The following HIPK1 variants were observed in gnomAD, a reference collection of about 807,000 sequenced individuals.
HIPK1 encodes homeodomain-interacting protein kinase 1.
A neutral mutation model predicts 117.1 loss-of-function variants in HIPK1; 28 were observed. The observed-to-expected ratio is 0.24, with a 90% CI of 0.18 to 0.33. HIPK1 has a LOEUF of 0.33. Among genes scored for constraint, HIPK1 ranks in the 10% least tolerant of loss-of-function variants. HIPK1 has a pLI of 1.00. For missense variants in HIPK1, 1,122 were observed against 1,475.1 expected, an observed-to-expected ratio of 0.76 and a Z score of 3.92; for synonymous variants, 605 against 562.5, an observed-to-expected ratio of 1.08 and a Z score of -1.07.
intron 1 of HIPK1, 135 bp downstream of exon 1, chr1:113,929,667 C>T (rs1212263108): frequency 3.3e-6 from 3 of 902,974 alleles, no homozygotes; most frequent in African/African-American, 1.8e-5. Context: ...CCGGCGGTAG[C>T]CCCGGACGGC....
rs759173034 is a variant in HIPK1 at position 113,962,387 on chromosome 1, C to G, written c.2052C>G (p.Pro684=). Residue 684 remains proline (P), a synonymous_variant, in exon 9 of 16, where the codon CCC becomes CCG. Transcript: ENST00000426820. Reference sequence around the variant, plus strand: ...TGGATAATGCTGTACCGATTGTACCCCAGGCACCAGCTGCTCAGCCACTAC... The same window carrying G: ...TGGATAATGCTGTACCGATTGTACCGCAGGCACCAGCTGCTCAGCCACTAC... ...VRMDNAVPIV[P]QAPAAQPLQI... The G allele has an allele frequency of 1.2e-6, 2 of 1,613,930 alleles. No homozygotes were observed. Among genetic ancestry groups the G allele is most frequent in the Non-Finnish European group, 1.7e-6 (2 of 1,179,874 alleles).
In HIPK1 at chr1:113,973,244, C is replaced by T; in HGVS notation, c.3365C>T (p.Ala1122Val). Residue 1122 changes from alanine to valine, a missense_variant, in exon 16 of 16, where the codon GCA (alanine) becomes GTA (valine). By Grantham distance (64) the Ala-to-Val change is moderately conservative. Coordinates refer to ENST00000426820, the MANE Select transcript of HIPK1 (RefSeq NM_198268.3). ...TATGCTGCCCCGACTTCTGCTGCTG[C>T]ACTGGGCTCAACCAGCTCCATTGCT... ...YTYAAPTSAAALGSTSSIAHL... is the reference protein window; with the variant it reads ...YTYAAPTSAAVLGSTSSIAHL... The T allele has an allele frequency of 6.2e-7, 1 of 1,614,170 alleles. No individual in the cohort carries two copies.
Position 113,973,608 on chromosome 1 carries a change from A to C in HIPK1, c.*96A>C. On this transcript the variant is annotated 3_prime_UTR_variant, in exon 16 of 16. Coordinates refer to ENST00000426820, the MANE Select transcript of HIPK1 (RefSeq NM_198268.3). Reference sequence around the variant, plus strand: ...GAGAGATCCTCCTTTACCCTCTTGAAATTTCTTAGCCAGCAACTTGTTCTG... The same window carrying C: ...GAGAGATCCTCCTTTACCCTCTTGACATTTCTTAGCCAGCAACTTGTTCTG... The C allele has an allele frequency of 7.1e-7, 1 of 1,415,946 alleles. No homozygotes were observed. Among genetic ancestry groups the C allele is most frequent in the Non-Finnish European group, 9.4e-7 (1 of 1,065,444 alleles). The allele number at this position is 1,415,946 out of a possible 1,614,324, so 87.7% of individuals were successfully genotyped here. A position where few individuals can be genotyped will look rare whatever the true frequency, so the allele number is the denominator to read the frequency against.
chr1:113,955,360 G>A (rs966639522), intron 4 of HIPK1, among the ~76,000 whole-genome samples: 11 of 152,148 alleles, frequency 7.2e-5, no homozygotes, highest in African/African-American at 2.4e-4. Flanking sequence ...TTACTTGCAT[G>A]TTTATCACTG....
At chr1:113,934,331 T>C (rs766934107) in intron 1 of HIPK1, among the ~76,000 whole-genome samples, 5 of 152,184 alleles carry the variant, frequency 3.3e-5, no homozygotes, top group Non-Finnish European at 7.3e-5. Flanking sequence ...GTTATAATAT[T>C]TGGATCCTTT....
rs1672570275 is a variant in HIPK1 at position 113,968,023 on chromosome 1, T to C, written c.2564+75T>C. ...ATGTTGCCTTGCATTTGGAATATTG[T>C]ATAGACATATAATATAGATATGAAG... On this transcript the variant is annotated intron_variant, in intron 12 of 15. Coordinates refer to ENST00000426820, the MANE Select transcript of HIPK1 (RefSeq NM_198268.3). The C allele has an allele frequency of 2.3e-6, 3 of 1,303,038 alleles. No individual in the cohort carries two copies. In the South Asian group the frequency reaches 3.9e-5, roughly 17 times the overall value. 80.7% of individuals were successfully genotyped at this position (1,303,038 alleles called of 1,614,324 possible). A position where few individuals can be genotyped will look rare whatever the true frequency, so the allele number is the denominator to read the frequency against.
chr1:113,929,698 G>A, intron 1 of HIPK1, 166 bp downstream of exon 1: 1 of 856,350 alleles, frequency 1.2e-6, no homozygotes, highest in South Asian at 2.2e-5. Flanking sequence ...CGAGGCGGGA[G>A]CGCGCGGGGC....
At chr1:113,943,039 A>G (rs1021561759) in intron 2 of HIPK1, among the ~76,000 whole-genome samples, 6 of 152,246 alleles carry the variant, frequency 3.9e-5, no homozygotes, top group African/African-American at 9.6e-5. Flanking sequence ...TAACCCATAC[A>G]AGGACTCAGA....
rs1670639417 is a variant in HIPK1, at chr1:113,941,568, A to T, written c.1076+109A>T. 1 of 835,516 alleles carries T rather than the reference A, an allele frequency of 1.2e-6. No individual in the cohort carries two copies. Among genetic ancestry groups the T allele is most frequent in the Admixed American group, 2.5e-5 (1 of 40,458 alleles). 51.8% of individuals were successfully genotyped at this position (835,516 alleles called of 1,614,324 possible). On this transcript the variant is annotated intron_variant, in intron 2 of 15. Transcript: ENST00000426820. The surrounding 1 kb of genome is among the most constrained non-coding windows in gnomAD (Gnocchi z 4.9). The stretch of plus-strand genomic sequence containing the variant: ...AATGAATTTGTTTATAGATTCTGAG[A>T]TAGAAATAGGATATGTTTTAGCTCA...
At chr1:113,958,824 T>C (rs1022872610) in intron 8 of HIPK1, among the ~76,000 whole-genome samples, 1 of 152,210 alleles carries the variant, frequency 6.6e-6, no homozygotes, top group African/African-American at 2.4e-5. Flanking sequence ...GCTGAGGTGC[T>C]TGTGTGGGGC....
intron 1 of HIPK1, chr1:113,930,014 G>A (rs1383233850): frequency 1.0e-6 from 1 of 985,004 alleles, no homozygotes; most frequent in Non-Finnish European, 1.2e-6. Context: ...GGGCCGGGCC[G>A]GCCGCCGGCT....
intron 6 of HIPK1, 113 bp downstream of exon 6, chr1:113,956,924 G>A (rs1671766507): frequency 9.5e-7 from 1 of 1,056,236 alleles, no homozygotes; most frequent in African/African-American, 1.6e-5. Context: ...ATCTGGCTCA[G>A]CAGTGCTTTT....
In HIPK1 at chr1:113,956,728, A is replaced by C. The variant is rs762104202; in HGVS notation, c.1509A>C (p.Ala503=). ...TAAAGAAAATGCTCACAATTGATGC[A>C]GATAAGAGAATTACCCCTCTAAAAA... The part of the protein sequence containing the change: ...DLLKKMLTID[A]DKRITPLKTL... Residue 503 remains alanine, a synonymous_variant, in exon 6 of 16, where the codon GCA becomes GCC. Coordinates refer to ENST00000426820, the MANE Select transcript of HIPK1 (RefSeq NM_198268.3). 19 of 1,614,038 alleles carry C rather than the reference A, an allele frequency of 1.2e-5. 1 individual carries two copies. In the South Asian group the frequency reaches 2.1e-4, roughly 18 times the overall value.
intron 1 of HIPK1, chr1:113,933,281 T>G (rs1017493454): frequency 3.1e-5 from 24 of 776,350 alleles, no homozygotes; most frequent in Non-Finnish European, 3.8e-5. Context: ...AAAATGAAGT[T>G]CAGAGAGGAA....
At chr1:113,949,122 GCC>G (rs1558133744) in intron 2 of HIPK1, among the ~76,000 whole-genome samples, 1 of 152,212 alleles carries the variant, frequency 6.6e-6, no homozygotes, top group Non-Finnish European at 1.5e-5. Context: ...ATAGGCGTGA[GCC>G]ACCGCGCCTG....
intron 4 of HIPK1, 51 bp from the exon 5 acceptor site, chr1:113,955,512 G>A (rs753049535): frequency 8.9e-7 from 1 of 1,127,960 alleles, no homozygotes; most frequent in Admixed American, 2.0e-5. Context: ...TGAATAAAAT[G>A]TGAAAATAAC....
intron 8 of HIPK1, among the ~76,000 whole-genome samples, chr1:113,959,566 G>C (rs1473334717): frequency 2.0e-5 from 3 of 152,094 alleles, no homozygotes; most frequent in Non-Finnish European, 4.4e-5. Flanking sequence ...TTCAGATGTG[G>C]GACCCTGAAG....
chr1:113,951,256 G>A (rs1671345727), intron 2 of HIPK1: 1 of 984,826 alleles, frequency 1.0e-6, no homozygotes, highest in Non-Finnish European at 1.2e-6. Flanking sequence ...AATTGCCCTT[G>A]TATTCCACCA....
chr1:113,957,840 AACAT>A (rs1164535678), intron 7 of HIPK1, among the ~76,000 whole-genome samples: 2 of 151,750 alleles, frequency 1.3e-5, no homozygotes, highest in Non-Finnish European at 2.9e-5. Flanking sequence ...AGCCACAGCC[AACAT>A]AGGACCATTC....
Sources: allele counts gnomAD v4.1 joint callset (sites outside exome capture counted in the v4.1 genomes callset), GRCh38; gene constraint gnomAD v4.1.1; non-coding constraint Gnocchi (gnomAD v3.1); transcripts MANE v1.5; gene names NCBI Gene and HGNC (gene_info 2026-07-23, HGNC 2026-07-21).